DLG2: variants seen among roughly 807,000 people sequenced by gnomAD.
DLG2 encodes disks large homolog 2.
DLG2 carries 45 observed loss-of-function variants against 132.5 expected under a neutral mutation model. That is an observed-to-expected ratio of 0.34 (90% CI 0.27 to 0.44). The LOEUF is 0.44. Ranked by LOEUF, DLG2 falls within the 20% of genes least tolerant of loss-of-function variation. DLG2 has a pLI of 1.00. For missense variants in DLG2, 1,045 were observed against 1,196.9 expected (o/e 0.87, Z 1.87); for synonymous variants, 424 against 419.6 (o/e 1.01, Z -0.13).
chr11:85,586,245 C>T (rs1166400796), intron 3 of DLG2, among the ~76,000 whole-genome samples: 5 of 152,060 alleles, frequency 3.3e-5, no homozygotes, highest in South Asian at 2.1e-4. Context: ...GGGAGGATTC[C>T]GTCTTTCTCT....
At chr11:84,277,933 T>TTTAG (rs754160647) in intron 7 of DLG2, among the ~76,000 whole-genome samples, 44 of 152,144 alleles carry the variant, frequency 2.9e-4, no homozygotes, top group Non-Finnish European at 5.6e-4. Context: ...TATTTATTTA[T>TTTAG]TCTTATAGAC....
intron 7 of DLG2, among the ~76,000 whole-genome samples, chr11:84,275,011 T>C (rs2097770981): frequency 6.6e-6 from 1 of 152,194 alleles, no homozygotes; most frequent in Non-Finnish European, 1.5e-5. Context: ...ATGTTCTGAA[T>C]TTCTCAGGAA....
chr11:84,765,442 C>A (rs1002132077), intron 6 of DLG2, among the ~76,000 whole-genome samples: 25 of 152,084 alleles, frequency 1.6e-4, no homozygotes, highest in African/African-American at 5.5e-4. Flanking sequence ...GAATTCTTCA[C>A]AAGAATACGG....
intron 17 of DLG2, among the ~76,000 whole-genome samples, chr11:83,806,168 G>A (rs747897845): frequency 2.0e-5 from 3 of 152,002 alleles, no homozygotes. Flanking sequence ...ATGATGGTCC[G>A]TGACACTTAC....
intron 16 of DLG2, among the ~76,000 whole-genome samples, chr11:83,871,753 G>T (rs1258018344): frequency 6.6e-6 from 1 of 152,162 alleles, no homozygotes; most frequent in African/African-American, 2.4e-5. Context: ...GTAATGCTAA[G>T]TTATTTCTAC....
At chr11:84,192,329 G>T (rs947732138) in intron 8 of DLG2, among the ~76,000 whole-genome samples, 1 of 152,206 alleles carries the variant, frequency 6.6e-6, no homozygotes, top group Non-Finnish European at 1.5e-5. Context: ...AACATGTTCT[G>T]AGTAAAGTTA....
chr11:84,668,380 T>C (rs527707638), intron 6 of DLG2, among the ~76,000 whole-genome samples: 19 of 152,340 alleles, frequency 1.2e-4, no homozygotes. Context: ...TTTTGTCAAA[T>C]GTTCTCTGCA....
intron 9 of DLG2, among the ~76,000 whole-genome samples, chr11:84,134,638 T>A (rs2094535297): frequency 6.6e-6 from 1 of 151,952 alleles, no homozygotes. Flanking sequence ...CCTTCCCAGA[T>A]AAAAATAGAA....
In DLG2 at chr11:84,646,245, G is replaced by C. The variant is rs545815779; in HGVS notation, c.358-111514C>G. On this transcript the variant is annotated intron_variant, in intron 6 of 27. Transcript: ENST00000376104. Reference sequence around the variant, plus strand: ...AATAATCCCTTTCCCATAAAAAACAGGTTATTTAAATTCAAATGAATCAGT... The same window carrying C: ...AATAATCCCTTTCCCATAAAAAACACGTTATTTAAATTCAAATGAATCAGT... Among the ~76,000 whole-genome samples, 5 of 152,220 alleles carry C rather than the reference G, an allele frequency of 3.3e-5. No individual in the cohort carries two copies. In the South Asian group the frequency reaches 1.0e-3, roughly 32 times the overall value.
intron 5 of DLG2, among the ~76,000 whole-genome samples, chr11:85,135,757 C>G (rs2076099264): frequency 6.6e-6 from 1 of 152,186 alleles, no homozygotes; most frequent in Non-Finnish European, 1.5e-5. Context: ...TTTCCATTGC[C>G]TAGACTAGTG....
Position 83,589,514 on chromosome 11 carries a change from C to T in DLG2, c.1940+43697G>A, listed in dbSNP as rs1432101674. On this transcript the variant is annotated intron_variant, in intron 19 of 27. Coordinates refer to ENST00000376104, the MANE Select transcript of DLG2 (RefSeq NM_001142699.3). ...AGCACTAAACATGGAAAGGAACAAC[C>T]GGAACCAGCCACTGCAAAATCATGC... 5.3e-4 allele frequency among the ~76,000 whole-genome samples: 81 copies of T among 152,062 alleles called. 2 individuals carry two copies. In the East Asian group the frequency reaches 7.7e-3, roughly 15 times the overall value.
In DLG2 at chr11:85,497,558, A is replaced by G. The variant is rs138884111; in HGVS notation, c.40+101099T>C. ...ACCTGGCAAGTCAGGCCAACATTCA[A>G]ATTCAGGAAATACAGAGAACACCAC... On this transcript the variant is annotated intron_variant, in intron 3 of 27. Coordinates refer to ENST00000376104, the MANE Select transcript of DLG2 (RefSeq NM_001142699.3). Among the ~76,000 whole-genome samples, 94 of 152,274 alleles carry G rather than the reference A, an allele frequency of 6.2e-4. 1 individual carries two copies. The East Asian group carries it at 0.011, about 18-fold the overall frequency.
intron 10 of DLG2, among the ~76,000 whole-genome samples, chr11:84,088,373 G>C (rs2097027455): frequency 7.1e-6 from 1 of 141,098 alleles, no homozygotes; most frequent in South Asian, 2.2e-4. Flanking sequence ...GAATTTGCTA[G>C]AGAAAAAAAA....
At chr11:85,134,629 T>C (rs2076025554) in intron 5 of DLG2, among the ~76,000 whole-genome samples, 1 of 151,728 alleles carries the variant, frequency 6.6e-6, no homozygotes, top group Non-Finnish European at 1.5e-5. Flanking sequence ...TCATGAATTA[T>C]TGAGGTTCTA....
intron 11 of DLG2, among the ~76,000 whole-genome samples, chr11:84,030,390 T>C (rs908230759): frequency 7.9e-5 from 12 of 152,258 alleles, no homozygotes; most frequent in Middle Eastern, 6.8e-3. Flanking sequence ...TTCAAAAGCA[T>C]AGAACTATAA....
chr11:84,089,063 T>C (rs374559659), intron 10 of DLG2, among the ~76,000 whole-genome samples: 5 of 152,334 alleles, frequency 3.3e-5, no homozygotes, highest in East Asian at 3.9e-4. Context: ...TTGGATGTTG[T>C]GACTTGTGGG....
At chr11:84,495,926 C>T (rs1437715604) in intron 7 of DLG2, among the ~76,000 whole-genome samples, 1 of 152,144 alleles carries the variant, frequency 6.6e-6, no homozygotes, top group Non-Finnish European at 1.5e-5. Flanking sequence ...GAATGCTTCT[C>T]AATTTCTCCC....
intron 6 of DLG2, among the ~76,000 whole-genome samples, chr11:84,968,360 G>A (rs551178810): frequency 2.7e-4 from 41 of 152,084 alleles, no homozygotes; most frequent in Non-Finnish European, 4.6e-4. Flanking sequence ...ACTTCTGTGT[G>A]GGGAGTGGTT....
intron 8 of DLG2, among the ~76,000 whole-genome samples, chr11:84,210,130 A>G (rs2096732089): frequency 6.6e-6 from 1 of 151,876 alleles, no homozygotes; most frequent in Non-Finnish European, 1.5e-5. Flanking sequence ...TAAAAATACA[A>G]AAATTATATG....
Sources: allele counts gnomAD v4.1 joint callset (sites outside exome capture counted in the v4.1 genomes callset), GRCh38; gene constraint gnomAD v4.1.1; transcripts MANE v1.5; gene names NCBI Gene and HGNC (gene_info 2026-07-23, HGNC 2026-07-21).